DRC8: variants seen among roughly 807,000 people sequenced by gnomAD.
DRC8 encodes dynein regulatory complex subunit 8, also known as dynein regulatory complex protein 8.
At chr1:245,090,771 G>A in the DRC8 span, among the ~76,000 whole-genome samples, 1 of 151,728 alleles carries the variant, frequency 6.6e-6, no homozygotes, top group African/African-American at 2.4e-5. Flanking sequence ...TAGGATGACC[G>A]TCTGTCCTGC....
the DRC8 span, among the ~76,000 whole-genome samples, chr1:245,082,931 A>G: frequency 6.6e-6 from 1 of 151,552 alleles, no homozygotes; most frequent in Non-Finnish European, 1.5e-5. Flanking sequence ...CTGGTCTCGA[A>G]CTCCTGACCT....
At chr1:245,050,745 A>G in the DRC8 span, among the ~76,000 whole-genome samples, 2 of 151,642 alleles carry the variant, frequency 1.3e-5, no homozygotes, top group South Asian at 2.1e-4. Context: ...TGTGATCTCA[A>G]TTTTCTTTTT....
At chr1:245,094,739 G>A in the DRC8 span, among the ~76,000 whole-genome samples, 4 of 152,146 alleles carry the variant, frequency 2.6e-5, no homozygotes, top group Non-Finnish European at 5.9e-5. Context: ...ACAATGTAAA[G>A]TGTAAAATAC....
the DRC8 span, among the ~76,000 whole-genome samples, chr1:245,094,336 A>G: frequency 6.6e-6 from 1 of 152,122 alleles, no homozygotes; most frequent in Non-Finnish European, 1.5e-5. Flanking sequence ...CTTTTTAGGA[A>G]CTTTTTAAGC....
At chr1:244,987,246 G>C in the DRC8 span, among the ~76,000 whole-genome samples, 1 of 151,348 alleles carries the variant, frequency 6.6e-6, no homozygotes, top group Non-Finnish European at 1.5e-5. Flanking sequence ...TGTCGCTCTG[G>C]CTGGAGTGCA....
chr1:244,994,207 A>G, the DRC8 span, among the ~76,000 whole-genome samples: 1 of 152,208 alleles, frequency 6.6e-6, no homozygotes, highest in African/African-American at 2.4e-5. Flanking sequence ...TCCTGTCAAT[A>G]GAAGTTTTGG....
the DRC8 span, among the ~76,000 whole-genome samples, chr1:245,005,277 C>T: frequency 9.6e-4 from 145 of 151,424 alleles, 3 homozygotes; most frequent in South Asian, 0.028. Context: ...TAATACTGGC[C>T]TTATAGAATG....
At chr1:244,975,173 G>A in the DRC8 span, among the ~76,000 whole-genome samples, 12 of 152,010 alleles carry the variant, frequency 7.9e-5, no homozygotes, top group Admixed American at 2.0e-4. Context: ...CTTGTGATCC[G>A]CCCACCTCGG....
the DRC8 span, among the ~76,000 whole-genome samples, chr1:244,989,767 T>A: frequency 0.012 from 1,805 of 152,308 alleles, 16 homozygotes; most frequent in Non-Finnish European, 0.021. Context: ...TTGAAATTCT[T>A]CTGAACAGAA....
At chr1:245,003,424 A>T in the DRC8 span, among the ~76,000 whole-genome samples, 1 of 148,358 alleles carries the variant, frequency 6.7e-6, no homozygotes, top group Non-Finnish European at 1.5e-5. Flanking sequence ...AGACTTGGGC[A>T]CAGAGAGGTT....
the DRC8 span, chr1:245,091,221 T>C: frequency 6.6e-6 from 1 of 152,318 alleles, no homozygotes; most frequent in African/African-American, 2.4e-5. Flanking sequence ...TAGGAACACA[T>C]TGCAGCGGGG....
At chr1:245,108,907 T>C in the DRC8 span, among the ~76,000 whole-genome samples, 19 of 152,220 alleles carry the variant, frequency 1.2e-4, no homozygotes, top group African/African-American at 4.3e-4. Flanking sequence ...TTTTTCTAAA[T>C]AGATATGGCC....
chr1:245,037,065 C>T, the DRC8 span, among the ~76,000 whole-genome samples: 1 of 152,208 alleles, frequency 6.6e-6, no homozygotes, highest in Non-Finnish European at 1.5e-5. Context: ...AGAGTTCTCT[C>T]ACCAAAAGGC....
chr1:245,052,851 C>T, the DRC8 span, among the ~76,000 whole-genome samples: 671 of 152,366 alleles, frequency 4.4e-3, 1 homozygote, highest in African/African-American at 0.015. Context: ...TGTCTCTTTT[C>T]TTCCGTGCCA....
At chr1:245,047,191 A>G in the DRC8 span, among the ~76,000 whole-genome samples, 1 of 152,234 alleles carries the variant, frequency 6.6e-6, no homozygotes, top group Non-Finnish European at 1.5e-5. Context: ...ACCCACGTGT[A>G]ACTTTTGACT....
At chr1:245,054,738 G>A in the DRC8 span, among the ~76,000 whole-genome samples, 4 of 152,052 alleles carry the variant, frequency 2.6e-5, no homozygotes, top group South Asian at 2.1e-4. Context: ...CTTCATGACC[G>A]GATCCACGTC....
At chr1:244,975,327 TAG>T in the DRC8 span, among the ~76,000 whole-genome samples, 6 of 152,074 alleles carry the variant, frequency 3.9e-5, no homozygotes, top group African/African-American at 1.4e-4. Flanking sequence ...TAACTGTCGA[TAG>T]TATAGAGTGT....
At chr1:245,028,019 G>A in the DRC8 span, among the ~76,000 whole-genome samples, 7 of 152,070 alleles carry the variant, frequency 4.6e-5, no homozygotes, top group Non-Finnish European at 1.0e-4. Flanking sequence ...AGCCTCCTGA[G>A]TAGCTGGGAC....
At chr1:245,083,599 A>G in the DRC8 span, 1 of 1,600,990 alleles carries the variant, frequency 6.2e-7, no homozygotes, top group East Asian at 2.2e-5. Flanking sequence ...AAAATATAAT[A>G]TCTATCTTTT....
Sources: gnomAD v4.1 joint callset for allele counts (sites outside exome capture counted in the v4.1 genomes callset) on GRCh38, gnomAD v4.1.1 for gene constraint, MANE v1.5 for transcripts, NCBI Gene and HGNC (gene_info 2026-07-23, HGNC 2026-07-21) for gene names.